SEMA5B: variants seen among roughly 807,000 people sequenced by gnomAD.
SEMA5B encodes semaphorin-5B.
In SEMA5B, 66 loss-of-function variants were observed where a neutral mutation model predicts 135.0. That is an observed-to-expected ratio of 0.49 (90% confidence interval 0.40 to 0.60). The LOEUF (loss-of-function observed/expected upper bound fraction) is 0.60. Among genes scored for constraint, SEMA5B ranks in the 20% least tolerant of loss-of-function variants. SEMA5B has a pLI of 0.00. For synonymous variants in SEMA5B, 690 were observed against 639.5 expected (o/e 1.08, Z -1.19); for missense variants, 1,501 against 1,566.3 (o/e 0.96, Z 0.70).
chr3:122,986,626 G>GT (rs1297875945), intron 1 of SEMA5B, among the ~76,000 whole-genome samples: 3 of 88,318 alleles, frequency 3.4e-5, no homozygotes, highest in Non-Finnish European at 5.0e-5. Flanking sequence ...TGTGTGTGTG[G>GT]TGTGTAAGTG....
intron 1 of SEMA5B, among the ~76,000 whole-genome samples, chr3:123,003,572 T>G (rs1483176241): frequency 1.3e-5 from 2 of 152,184 alleles, no homozygotes; most frequent in East Asian, 3.9e-4. Context: ...CGGTGGCTCA[T>G]GCCTGTAATC....
Position 122,909,348 on chromosome 3 carries a change from C to T in SEMA5B, c.*795G>A, listed in dbSNP as rs1461895886. ...CAGAGACTCCCAAGCAGGTCTCAGCCAACAACTCTGTTGAGCAGCAACTGG... is the reference window on the plus strand; with the variant it reads ...CAGAGACTCCCAAGCAGGTCTCAGCTAACAACTCTGTTGAGCAGCAACTGG... On this transcript the variant is annotated 3_prime_UTR_variant, in exon 23 of 23. Coordinates refer to ENST00000357599, the MANE Select transcript of SEMA5B (RefSeq NM_001031702.4). 6.5e-6 allele frequency: 1 copy of T among 152,690 alleles called. No individual in the cohort carries two copies. Among genetic ancestry groups the T allele is most frequent in the South Asian group, 2.1e-4 (1 of 4,828 alleles). 9.5% of individuals were successfully genotyped at this position (152,690 alleles called of 1,614,324 possible). A position where few individuals can be genotyped will look rare whatever the true frequency, so the allele number is the denominator to read the frequency against.
intron 12 of SEMA5B, among the ~76,000 whole-genome samples, chr3:122,917,915 T>C (rs1458039227): frequency 6.6e-6 from 1 of 151,936 alleles, no homozygotes; most frequent in African/African-American, 2.4e-5. Context: ...TGTACACAAG[T>C]AGTCCCAGCA....
At chr3:122,926,337 G>A (rs889995204) in intron 9 of SEMA5B, 55 bp downstream of exon 9, 1 of 1,536,068 alleles carries the variant, frequency 6.5e-7, no homozygotes, top group Non-Finnish European at 8.9e-7. Context: ...CAGGCCATGA[G>A]GCCAGGCCAG....
intron 1 of SEMA5B, among the ~76,000 whole-genome samples, chr3:123,023,858 C>T (rs1273516606): frequency 6.6e-6 from 1 of 152,198 alleles, no homozygotes; most frequent in Non-Finnish European, 1.5e-5. Flanking sequence ...AGAACAGTGC[C>T]TGGCACATAG....
At position 122,915,900 on chromosome 3, in the gene SEMA5B, A is replaced by C. The variant is rs200687440; in HGVS notation, c.1689-10T>G. ...GGCCCCCAGGCATGCCCTGCCAGACAGACGTCCTGAGATTCAAGCCCACTG... is the reference window on the plus strand; with the variant it reads ...GGCCCCCAGGCATGCCCTGCCAGACCGACGTCCTGAGATTCAAGCCCACTG... On this transcript the variant is annotated splice_polypyrimidine_tract_variant and intron_variant, in intron 12 of 22. Transcript: ENST00000357599. 17 of 1,610,640 alleles carry C rather than the reference A, an allele frequency of 1.1e-5. No homozygotes were observed. The highest frequency in any genetic ancestry group is 1.4e-5 in the Non-Finnish European group (16 of 1,177,130).
intron 1 of SEMA5B, among the ~76,000 whole-genome samples, chr3:122,987,472 T>C (rs1174230778): frequency 1.3e-5 from 2 of 152,220 alleles, no homozygotes; most frequent in Non-Finnish European, 2.9e-5. Flanking sequence ...CTCAAACTGG[T>C]TATTAGCACT....
intron 1 of SEMA5B, among the ~76,000 whole-genome samples, chr3:122,991,442 G>A (rs1941874748): frequency 6.6e-6 from 1 of 152,168 alleles, no homozygotes; most frequent in Non-Finnish European, 1.5e-5. Context: ...ATGTCTGGAG[G>A]CATTTTGGGC....
chr3:122,946,118 C>T (rs115672993), intron 3 of SEMA5B, among the ~76,000 whole-genome samples: 1,684 of 152,292 alleles, frequency 0.011, 41 homozygotes, highest in African/African-American at 0.039. Flanking sequence ...CTCCATGACA[C>T]GCCTGTGATT....
At position 122,921,900 on chromosome 3, in the gene SEMA5B, C is replaced by T. The variant is rs781102262; in HGVS notation, c.1688+15G>A. 3.3e-6 allele frequency: 5 copies of T among 1,525,470 alleles called. No homozygotes were observed. Among genetic ancestry groups the T allele is most frequent in the Admixed American group, 2.0e-5 (1 of 48,956 alleles). 94.5% of individuals were successfully genotyped at this position (1,525,470 alleles called of 1,614,324 possible). A position where few individuals can be genotyped will look rare whatever the true frequency, so the allele number is the denominator to read the frequency against. The stretch of plus-strand genomic sequence containing the variant: ...CCGCAGTGGAGGCCTCGGGAGCCGC[C>T]CCGTCCCGGCTTACCCCTGGCTGCG... On this transcript the variant is annotated intron_variant, in intron 12 of 22. Coordinates refer to ENST00000357599, the MANE Select transcript of SEMA5B (RefSeq NM_001031702.4).
chr3:122,928,814 C>T (rs954632019), intron 6 of SEMA5B, among the ~76,000 whole-genome samples, 182 bp downstream of exon 6: 1 of 152,218 alleles, frequency 6.6e-6, no homozygotes, highest in Non-Finnish European at 1.5e-5. Context: ...TCACTGCTCA[C>T]TCAGATGCTC....
chr3:122,950,966 C>G (rs962212947), intron 2 of SEMA5B, among the ~76,000 whole-genome samples: 1 of 152,158 alleles, frequency 6.6e-6, no homozygotes, highest in African/African-American at 2.4e-5. Context: ...CAGGGTCTTG[C>G]TCTGTCTCCC....
intron 1 of SEMA5B, among the ~76,000 whole-genome samples, chr3:122,996,207 G>T (rs1942018217): frequency 1.3e-5 from 2 of 152,262 alleles, no homozygotes; most frequent in South Asian, 4.1e-4. Context: ...TACTGGGGTT[G>T]CAGGTCCCAC....
At chr3:122,912,674 T>C (rs1396955354) in intron 18 of SEMA5B, among the ~76,000 whole-genome samples, 169 bp downstream of exon 18, 2 of 151,286 alleles carry the variant, frequency 1.3e-5, no homozygotes, top group African/African-American at 4.9e-5. Context: ...GAGTAGCCAT[T>C]GCATCTACGG....
chr3:122,954,915 C>G (rs566466731), intron 2 of SEMA5B, among the ~76,000 whole-genome samples: 119 of 151,608 alleles, frequency 7.8e-4, no homozygotes, highest in African/African-American at 2.8e-3. Context: ...TCCTCAGCCT[C>G]CAGAGTAGCT....
At chr3:122,987,997 A>AG (rs1225236423) in intron 1 of SEMA5B, among the ~76,000 whole-genome samples, 2 of 152,102 alleles carry the variant, frequency 1.3e-5, no homozygotes, top group African/African-American at 2.4e-5. Flanking sequence ...TGCAGTTGGA[A>AG]GGGGGGCCTC....
intron 1 of SEMA5B, among the ~76,000 whole-genome samples, chr3:123,005,346 T>C (rs1942282413): frequency 6.6e-6 from 1 of 152,156 alleles, no homozygotes; most frequent in African/African-American, 2.4e-5. Context: ...TGAAGAAATG[T>C]TCTTCATTTG....
intron 12 of SEMA5B, among the ~76,000 whole-genome samples, chr3:122,917,024 A>C (rs1207890052): frequency 6.6e-6 from 1 of 152,194 alleles, no homozygotes; most frequent in Non-Finnish European, 1.5e-5. Flanking sequence ...AATCTCCACT[A>C]GTAGGACTTG....
chr3:122,955,513 T>C (rs1230275708), intron 2 of SEMA5B, among the ~76,000 whole-genome samples: 3 of 152,212 alleles, frequency 2.0e-5, no homozygotes, highest in Admixed American at 6.5e-5. Flanking sequence ...TACAACCAAA[T>C]ACTCCCAAGA....
Sources: gnomAD v4.1 joint callset for allele counts (sites outside exome capture counted in the v4.1 genomes callset) on GRCh38, gnomAD v4.1.1 for gene constraint, MANE v1.5 for transcripts, NCBI Gene and HGNC (gene_info 2026-07-23, HGNC 2026-07-21) for gene names.